The following CADPS variants were observed in gnomAD, a reference collection of about 807,000 sequenced individuals.
The protein encoded by CADPS is calcium dependent secretion activator.
A neutral mutation model predicts 167.3 loss-of-function variants in CADPS; 57 were observed. The observed-to-expected ratio is 0.34, with a 90% CI of 0.28 to 0.42. The LOEUF (loss-of-function observed/expected upper bound fraction) is 0.42. Ranked by LOEUF, CADPS falls within the 20% of genes least tolerant of loss-of-function variation. The probability of loss-of-function intolerance (pLI) is 1.00; values close to 1 mark genes in which losing one functional copy is unlikely to be tolerated. For missense variants in CADPS, 1,414 were observed against 1,738.1 expected (o/e 0.81, Z 3.32); for synonymous variants, 676 against 635.3 (o/e 1.06, Z -0.96).
At chr3:62,702,568 T>C (rs1186973538) in intron 3 of CADPS, among the ~76,000 whole-genome samples, 1 of 152,090 alleles carries the variant, frequency 6.6e-6, no homozygotes, top group East Asian at 1.9e-4. Context: ...AAGGACTCGA[T>C]AGTACCGGGT....
At chr3:62,428,718 C>T (rs1177277672) in intron 28 of CADPS, among the ~76,000 whole-genome samples, 1 of 152,162 alleles carries the variant, frequency 6.6e-6, no homozygotes. Flanking sequence ...AGAGGAAGGG[C>T]TACCTGTATA....
At chr3:62,831,193 C>T (rs2075016889) in intron 1 of CADPS, among the ~76,000 whole-genome samples, 3 of 152,118 alleles carry the variant, frequency 2.0e-5, no homozygotes, top group African/African-American at 7.2e-5. Context: ...GTGCTGTATG[C>T]CAGTTGCTGT....
At chr3:62,860,929 G>C (rs1357255045) in intron 1 of CADPS, among the ~76,000 whole-genome samples, 4 of 152,138 alleles carry the variant, frequency 2.6e-5, no homozygotes. Context: ...AATTTAGGTT[G>C]GTTTGGGGGA....
At chr3:62,783,644 A>G (rs1377381817) in intron 1 of CADPS, among the ~76,000 whole-genome samples, 1 of 152,216 alleles carries the variant, frequency 6.6e-6, no homozygotes, top group Non-Finnish European at 1.5e-5. Context: ...CAAGTTAAAA[A>G]AGATATATAT....
intron 22 of CADPS, among the ~76,000 whole-genome samples, chr3:62,480,371 T>C (rs767581869): frequency 6.6e-6 from 1 of 152,260 alleles, no homozygotes; most frequent in Non-Finnish European, 1.5e-5. Flanking sequence ...TTTTTTCATA[T>C]AGTCATCTTA....
intron 1 of CADPS, among the ~76,000 whole-genome samples, chr3:62,854,885 A>G (rs1164323824): frequency 6.6e-6 from 1 of 152,102 alleles, no homozygotes; most frequent in African/African-American, 2.4e-5. Flanking sequence ...CAAAGACTCA[A>G]ACATGGAAAT....
intron 3 of CADPS, among the ~76,000 whole-genome samples, chr3:62,731,383 A>G (rs1452745646): frequency 6.6e-6 from 1 of 152,150 alleles, no homozygotes; most frequent in African/African-American, 2.4e-5. Context: ...AGGTATAAAG[A>G]AGTCTGGAGA....
At chr3:62,664,952 A>C (rs1440373297) in intron 3 of CADPS, among the ~76,000 whole-genome samples, 1 of 152,170 alleles carries the variant, frequency 6.6e-6, no homozygotes, top group East Asian at 1.9e-4. Context: ...TCATTCATTA[A>C]ATTTTTATGG....
At chr3:62,678,708 T>C (rs1011886513) in intron 3 of CADPS, among the ~76,000 whole-genome samples, 1 of 152,114 alleles carries the variant, frequency 6.6e-6, no homozygotes, top group African/African-American at 2.4e-5. Flanking sequence ...CATACAAGTT[T>C]TACATGAACA....
chr3:62,409,199 G>GT (rs1404541859), intron 28 of CADPS, among the ~76,000 whole-genome samples: 16 of 152,236 alleles, frequency 1.1e-4, no homozygotes, highest in Non-Finnish European at 2.4e-4. Context: ...GGTGGGACAA[G>GT]TTTCAAGTTG....
In CADPS at chr3:62,565,843, C is replaced by T. The variant is rs143689756; in HGVS notation, c.1644+5029G>A. ...TAGTCTAAAATTTGGTTCCCCAAGACAGTAGTACTAATAGGAAATCTCAGT... is the reference window on the plus strand; with the variant it reads ...TAGTCTAAAATTTGGTTCCCCAAGATAGTAGTACTAATAGGAAATCTCAGT... On this transcript the variant is annotated intron_variant, in intron 9 of 29. Transcript: ENST00000383710. Among the ~76,000 whole-genome samples, 172 of 152,292 alleles carry T rather than the reference C, an allele frequency of 1.1e-3. 1 individual carries two copies. The highest frequency in any genetic ancestry group is 4.1e-3 in the African/African-American group (169 of 41,552).
chr3:62,619,433 T>C (rs1421498552), intron 6 of CADPS, among the ~76,000 whole-genome samples: 1 of 152,196 alleles, frequency 6.6e-6, no homozygotes, highest in African/African-American at 2.4e-5. Flanking sequence ...TGATTGCTTG[T>C]TTCAATACAA....
At chr3:62,569,575 A>C (rs186000967) in intron 9 of CADPS, among the ~76,000 whole-genome samples, 1 of 152,384 alleles carries the variant, frequency 6.6e-6, no homozygotes, top group African/African-American at 2.4e-5. Context: ...AAGTAGATCT[A>C]TAGACAGTCT....
intron 1 of CADPS, among the ~76,000 whole-genome samples, chr3:62,833,537 C>A (rs964456711): frequency 5.9e-4 from 90 of 152,006 alleles, no homozygotes; most frequent in Middle Eastern, 3.2e-3. Context: ...CTTATGGCTA[C>A]TGGTACCTTT....
chr3:62,499,149 C>A lies in CADPS; in HGVS notation c.2706+13G>T. 8 of 1,566,282 alleles carry A rather than the reference C, an allele frequency of 5.1e-6. No homozygotes were observed. The highest frequency in any genetic ancestry group is 7.0e-6 in the Non-Finnish European group (8 of 1,136,596). ...AGGGACAGTAAGATACACTTCCCACCAAGCCTGCTCACCTCTGCGTGGTGC... is the reference window on the plus strand; with the variant it reads ...AGGGACAGTAAGATACACTTCCCACAAAGCCTGCTCACCTCTGCGTGGTGC... On this transcript the variant is annotated intron_variant, in intron 18 of 29. Coordinates refer to ENST00000383710, the MANE Select transcript of CADPS (RefSeq NM_003716.4).
intron 3 of CADPS, among the ~76,000 whole-genome samples, chr3:62,721,118 GT>G (rs67868132): frequency 0.083 from 10,009 of 120,284 alleles, 566 homozygotes; most frequent in Non-Finnish European, 0.12. Flanking sequence ...TGCCCGGCAG[GT>G]TTTTTTTTTT....
At chr3:62,734,801 C>A (rs1485521781) in intron 3 of CADPS, among the ~76,000 whole-genome samples, 1 of 152,174 alleles carries the variant, frequency 6.6e-6, no homozygotes, top group Non-Finnish European at 1.5e-5. Flanking sequence ...ACGCTCATTT[C>A]TCTTGGGTAT....
intron 22 of CADPS, among the ~76,000 whole-genome samples, chr3:62,481,510 C>T (rs1012499955): frequency 2.6e-5 from 4 of 152,030 alleles, no homozygotes; most frequent in Admixed American, 6.6e-5. Flanking sequence ...ATTCAGTGGG[C>T]GTAAGACAAA....
In CADPS at chr3:62,438,418, T is replaced by A; in HGVS notation, c.3670-207A>T. The A allele has an allele frequency of 2.0e-6, 1 of 512,074 alleles. No individual in the cohort carries two copies. The allele number at this position is 512,074 out of a possible 1,614,324, so 31.7% of individuals were successfully genotyped here. On this transcript the variant is annotated intron_variant, in intron 27 of 29. Coordinates refer to ENST00000383710, the MANE Select transcript of CADPS (RefSeq NM_003716.4). This position sits in a 1 kb window ranked among gnomAD's most constrained non-coding sequence, Gnocchi z 4.7. ...CCTCTTTCCAGAAATCAAGCCTGGCTAAGAAGGGCATTGAGATTGTAGGAT... is the reference window on the plus strand; with the variant it reads ...CCTCTTTCCAGAAATCAAGCCTGGCAAAGAAGGGCATTGAGATTGTAGGAT...
Sources: gnomAD v4.1 joint callset for allele counts (sites outside exome capture counted in the v4.1 genomes callset) on GRCh38, gnomAD v4.1.1 for gene constraint, Gnocchi (gnomAD v3.1) non-coding constraint, MANE v1.5 for transcripts, NCBI Gene and HGNC (gene_info 2026-07-23, HGNC 2026-07-21) for gene names.